The following CENPC variants were observed in gnomAD, a reference collection of about 807,000 sequenced individuals.
CENPC encodes CENP-C 1.
In CENPC, 63 loss-of-function variants were observed where a neutral mutation model predicts 112.1. The observed-to-expected ratio is 0.56, with a 90% CI of 0.46 to 0.69. The LOEUF (loss-of-function observed/expected upper bound fraction) is 0.69, where lower values mean the gene tolerates loss of function less well. Among genes scored for constraint, CENPC ranks in the 30% least tolerant of loss-of-function variants. CENPC has a pLI of 0.00. For synonymous variants in CENPC, 333 were observed against 367.6 expected (o/e 0.91, Z 1.08); for missense variants, 1,000 against 1,103.8 (o/e 0.91, Z 1.33).
At chr4:67,491,331 G>C (rs947677725) in intron 16 of CENPC, among the ~76,000 whole-genome samples, 8 of 149,866 alleles carry the variant, frequency 5.3e-5, no homozygotes, top group African/African-American at 2.0e-4. Flanking sequence ...CCACCACCAC[G>C]CCCAGCTACC....
chr4:67,476,007 T>G (rs549106102), intron 17 of CENPC, among the ~76,000 whole-genome samples: 1 of 152,158 alleles, frequency 6.6e-6, no homozygotes, highest in Admixed American at 6.5e-5. Flanking sequence ...ATTTAAAAAA[T>G]CGTATTGCCT....
chr4:67,489,222 A>T (rs907371728), intron 17 of CENPC, among the ~76,000 whole-genome samples: 3 of 150,802 alleles, frequency 2.0e-5, no homozygotes, highest in Non-Finnish European at 4.4e-5. Context: ...ACACACACAC[A>T]TACACACATA....
At chr4:67,500,780 A>C (rs1725571546) in intron 12 of CENPC, among the ~76,000 whole-genome samples, 1 of 152,232 alleles carries the variant, frequency 6.6e-6, no homozygotes, top group African/African-American at 2.4e-5. Context: ...TTAATGCGGA[A>C]GGAATTAAAG....
chr4:67,512,463 G>A lies in CENPC; in HGVS notation c.1551C>T (p.Val517=). 6.2e-7 allele frequency: 1 copy of A among 1,601,056 alleles called. No individual in the cohort carries two copies. Among genetic ancestry groups the A allele is most frequent in the Non-Finnish European group, 8.5e-7 (1 of 1,173,918 alleles). Residue 517 remains valine (V), a synonymous_variant, in exon 9 of 19, where the codon GTC becomes GTT. Coordinates refer to ENST00000273853, the MANE Select transcript of CENPC (RefSeq NM_001812.4). ...KLVPEEVTST[V]TKSRRISRRP... is the part of the protein sequence containing the mutation. ...GCCTGGAAATTCTTCGACTTTTCGT[G>A]ACAGTTGAAGTCACTTCTTCAGGTA...
Position 67,519,297 on chromosome 4 carries a change from T to C in CENPC, c.537A>G (p.Gln179=), listed in dbSNP as rs769503695. ...TTTCAAAAGTGTAAGTCTCTCTCTT[T>C]TGGGCACTAGATGGAATAACATTTT... ...VSQNVIPSSA[Q]KRETYTFENS... is the part of the protein sequence containing the mutation. The change falls in exon 6 of 19, where the codon CAA becomes CAG. Residue 179 remains glutamine (Q), a synonymous_variant. Transcript: ENST00000273853. 6.2e-7 allele frequency: 1 copy of C among 1,612,152 alleles called. No individual in the cohort carries two copies. Among genetic ancestry groups the C allele is most frequent in the Non-Finnish European group, 8.5e-7 (1 of 1,178,926 alleles).
At chr4:67,482,916 T>C (rs1301854528) in intron 17 of CENPC, among the ~76,000 whole-genome samples, 1 of 150,928 alleles carries the variant, frequency 6.6e-6, no homozygotes, top group African/African-American at 2.4e-5. Flanking sequence ...GTAGCTGCCA[T>C]AATCCCCACA....
Position 67,505,231 on chromosome 4 carries a change from TC to T in CENPC, c.2104del (p.Asp702MetfsTer17). On this transcript the variant is annotated frameshift_variant, in exon 12 of 19. Coordinates refer to ENST00000273853, the MANE Select transcript of CENPC (RefSeq NM_001812.4). LOFTEE classifies it high-confidence loss of function. ...TGAACTTCCATGAACTTCCTCATCA[TC>T]CACATCATTCTTTCCAGACATTAAA... ...NYLMSGKNDV[D>X]DEEVHGSSDD... 1 of 1,583,246 alleles carries T rather than the reference TC, an allele frequency of 6.3e-7. No individual in the cohort carries two copies. Among genetic ancestry groups the T allele is most frequent in the Non-Finnish European group, 8.6e-7 (1 of 1,165,096 alleles).
At chr4:67,512,748 T>G (rs1725932622) in intron 8 of CENPC, among the ~76,000 whole-genome samples, 179 bp from the exon 9 acceptor site, 1 of 152,150 alleles carries the variant, frequency 6.6e-6, no homozygotes, top group Non-Finnish European at 1.5e-5. Flanking sequence ...GCTGCTGAAG[T>G]AAGCACTAAC....
chr4:67,499,988 C>G (rs997558432), intron 12 of CENPC, among the ~76,000 whole-genome samples: 2 of 152,116 alleles, frequency 1.3e-5, no homozygotes, highest in Non-Finnish European at 2.9e-5. Flanking sequence ...GCAGTCAGAG[C>G]ACATGAATTT....
chr4:67,532,296 G>A (rs1476615416), intron 4 of CENPC, among the ~76,000 whole-genome samples: 8 of 152,134 alleles, frequency 5.3e-5, no homozygotes, highest in Admixed American at 3.9e-4. Flanking sequence ...TACACTGTTG[G>A]TGGGACTGTA....
At chr4:67,475,524 T>C (rs763126970) in intron 17 of CENPC, among the ~76,000 whole-genome samples, 8 of 152,208 alleles carry the variant, frequency 5.3e-5, no homozygotes, top group Admixed American at 2.0e-4. Context: ...ATTCCAGTCT[T>C]GTAATACTCT....
intron 4 of CENPC, among the ~76,000 whole-genome samples, chr4:67,532,336 T>G (rs1332172876): frequency 6.6e-6 from 1 of 152,168 alleles, no homozygotes; most frequent in African/African-American, 2.4e-5. Context: ...GAAGACAGTG[T>G]GGCAATTGCT....
intron 17 of CENPC, among the ~76,000 whole-genome samples, chr4:67,486,968 G>GTTTTTTT (rs58948980): frequency 5.3e-5 from 7 of 131,820 alleles, no homozygotes; most frequent in Non-Finnish European, 9.4e-5. Flanking sequence ...TTGCTTTTAG[G>GTTTTTTT]TTTTTTTTTT....
At chr4:67,521,418 TTTTTAAATATTA>T (rs1726226679) in intron 5 of CENPC, among the ~76,000 whole-genome samples, 3 of 152,164 alleles carry the variant, frequency 2.0e-5, no homozygotes, top group Admixed American at 2.0e-4. Context: ...TAAGTAGTGA[TTTTTAAATATTA>T]TTTTAAATTT....
chr4:67,510,887 A>G (rs1307333287), intron 9 of CENPC: 2 of 411,368 alleles, frequency 4.9e-6, no homozygotes, highest in Admixed American at 2.7e-5. Flanking sequence ...CAAAAATCCA[A>G]CATCTATTTC....
At chr4:67,486,076 AAAAAAGTAATACT>A (rs1725086129) in intron 17 of CENPC, among the ~76,000 whole-genome samples, 1 of 152,238 alleles carries the variant, frequency 6.6e-6, no homozygotes, top group Non-Finnish European at 1.5e-5. Context: ...TCAAAAAGAC[AAAAAAGTAATACT>A]AAAAAGTATA....
At position 67,470,073 on chromosome 4, in the gene CENPC, A is replaced by G. The variant is rs1724613660; in HGVS notation, c.*2532T>C. The G allele has an allele frequency of 6.6e-6, 1 of 152,220 alleles. No individual in the cohort carries two copies. The highest frequency in any genetic ancestry group is 1.5e-5 in the Non-Finnish European group (1 of 68,038). 9.4% of individuals were successfully genotyped at this position (152,220 alleles called of 1,614,324 possible). On this transcript the variant is annotated 3_prime_UTR_variant, in exon 19 of 19. Transcript: ENST00000273853. The stretch of plus-strand genomic sequence containing the variant: ...TTTTAAATAGCTACAACTTGTGACT[A>G]CTGTATCAGCCATTATAGCCCTAGA...
rs776929465 is a variant in CENPC, at chr4:67,506,946, A to G, written c.1905-12T>C. On this transcript the variant is annotated splice_polypyrimidine_tract_variant and intron_variant, in intron 10 of 18. Coordinates refer to ENST00000273853, the MANE Select transcript of CENPC (RefSeq NM_001812.4). ...AGCTTCTTGTAGATCTATAAAAATG[A>G]TAAATGTATGAGTGTTTATACTTCT... 1.0e-5 allele frequency: 16 copies of G among 1,591,552 alleles called. No individual in the cohort carries two copies. The Admixed American group carries it at 2.8e-4, about 28-fold the overall frequency.
At chr4:67,536,048 A>T (rs1049730322) in intron 4 of CENPC, among the ~76,000 whole-genome samples, 1 of 152,210 alleles carries the variant, frequency 6.6e-6, no homozygotes, top group Non-Finnish European at 1.5e-5. Flanking sequence ...GTATGTAAAA[A>T]GATAGGGAAG....
Sources: allele counts gnomAD v4.1 joint callset (sites outside exome capture counted in the v4.1 genomes callset), GRCh38; gene constraint gnomAD v4.1.1; transcripts MANE v1.5; gene names NCBI Gene and HGNC (gene_info 2026-07-23, HGNC 2026-07-21).